Variants in PKIB observed in about 807,000 individuals in gnomAD.
The protein encoded by PKIB is cAMP-dependent protein kinase inhibitor beta.
A neutral mutation model predicts 4.5 loss-of-function variants in PKIB; 2 were observed. The observed-to-expected ratio is 0.44, with a 90% CI of 0.18 to 1.39. The LOEUF (loss-of-function observed/expected upper bound fraction) is 1.39. Ranked by LOEUF, PKIB falls within the 40% of genes most tolerant of loss-of-function variation. The pLI is 0.27. For missense variants in PKIB, 94 were observed against 92.6 expected (o/e 1.02, Z -0.06); for synonymous variants, 38 against 36.0 (o/e 1.06, Z -0.20).
At chr6:122,557,875 C>A (rs905096932) in intron 2 of PKIB, among the ~76,000 whole-genome samples, 1 of 152,174 alleles carries the variant, frequency 6.6e-6, no homozygotes, top group Non-Finnish European at 1.5e-5. Flanking sequence ...GCTCCTCCCT[C>A]AATTGGGTAA....
chr6:122,641,930 TG>T (rs918314169), intron 2 of PKIB, among the ~76,000 whole-genome samples: 1 of 152,138 alleles, frequency 6.6e-6, no homozygotes, highest in African/African-American at 2.4e-5. Flanking sequence ...AGACCTCAGA[TG>T]ATCTGCCCAA....
chr6:122,506,184 T>G (rs1285884954), intron 2 of PKIB, among the ~76,000 whole-genome samples: 3 of 152,154 alleles, frequency 2.0e-5, no homozygotes, highest in Non-Finnish European at 4.4e-5. Flanking sequence ...AACACAGATG[T>G]TTTTTCACCA....
At chr6:122,543,299 G>C (rs142818758) in intron 2 of PKIB, among the ~76,000 whole-genome samples, 2 of 151,562 alleles carry the variant, frequency 1.3e-5, no homozygotes, top group African/African-American at 4.9e-5. Flanking sequence ...CATCGCTCAC[G>C]CTGGGAACTG....
At chr6:122,631,352 A>G (rs142165036) in intron 1 of PKIB, among the ~76,000 whole-genome samples, 4,010 of 152,270 alleles carry the variant, frequency 0.026, 83 homozygotes, top group Middle Eastern at 0.054. Flanking sequence ...TTAGATTCAG[A>G]ATGTCTTTGA....
intron 2 of PKIB, among the ~76,000 whole-genome samples, chr6:122,536,359 T>G (rs1777407400): frequency 6.6e-6 from 1 of 152,240 alleles, no homozygotes; most frequent in African/African-American, 2.4e-5. Flanking sequence ...AATTATCAAA[T>G]ATAATTGGTA....
At chr6:122,650,938 C>T (rs1013378406) in intron 2 of PKIB, among the ~76,000 whole-genome samples, 2 of 152,180 alleles carry the variant, frequency 1.3e-5, no homozygotes, top group African/African-American at 2.4e-5. Flanking sequence ...CATGTTTCAG[C>T]CAACGAACCA....
intron 3 of PKIB, among the ~76,000 whole-genome samples, chr6:122,698,643 C>T (rs1292875563): frequency 1.3e-5 from 2 of 152,176 alleles, no homozygotes; most frequent in Non-Finnish European, 2.9e-5. Flanking sequence ...GTCGCTGAAG[C>T]CTCTGAGGGC....
intron 2 of PKIB, among the ~76,000 whole-genome samples, chr6:122,494,153 G>C (rs751461584): frequency 6.6e-5 from 10 of 152,106 alleles, no homozygotes; most frequent in Admixed American, 2.0e-4. Context: ...GAACATGCTT[G>C]ATTAATTCAA....
intron 2 of PKIB, among the ~76,000 whole-genome samples, chr6:122,670,327 C>T (rs1319334440): frequency 6.6e-6 from 1 of 152,020 alleles, no homozygotes; most frequent in Non-Finnish European, 1.5e-5. Context: ...AAATAGCAGC[C>T]AGCCAGCAGT....
At chr6:122,662,256 T>C (rs1435143893) in intron 2 of PKIB, among the ~76,000 whole-genome samples, 1 of 146,006 alleles carries the variant, frequency 6.8e-6, no homozygotes, top group Non-Finnish European at 1.5e-5. Context: ...ATCTAAGAAA[T>C]GATTGCCTAA....
chr6:122,551,682 G>T (rs931050379), intron 2 of PKIB, among the ~76,000 whole-genome samples: 3 of 152,056 alleles, frequency 2.0e-5, no homozygotes, highest in Non-Finnish European at 4.4e-5. Context: ...GAATGGAGGG[G>T]TCTCAGCATT....
intron 1 of PKIB, among the ~76,000 whole-genome samples, chr6:122,622,720 C>T (rs1385363814): frequency 6.7e-6 from 1 of 149,180 alleles, no homozygotes; most frequent in Non-Finnish European, 1.5e-5. Context: ...GGGCTCACCC[C>T]TACCGGAGAA....
upstream of PKIB, among the ~76,000 whole-genome samples, chr6:122,607,781 G>A (rs1165924980): frequency 2.0e-5 from 3 of 152,094 alleles, no homozygotes; most frequent in African/African-American, 7.2e-5. Flanking sequence ...GGGTCACAGG[G>A]GCAGTGTTGG....
intron 3 of PKIB, among the ~76,000 whole-genome samples, chr6:122,588,265 A>G (rs950824982): frequency 1.3e-5 from 2 of 152,120 alleles, no homozygotes; most frequent in Non-Finnish European, 2.9e-5. Context: ...TCCCAGCACC[A>G]TTTATTAAAT....
At chr6:122,707,243 A>C (rs1779100398) in intron 3 of PKIB, among the ~76,000 whole-genome samples, 1 of 152,062 alleles carries the variant, frequency 6.6e-6, no homozygotes, top group Non-Finnish European at 1.5e-5. Flanking sequence ...AACTACTCTT[A>C]ATTTTTGTTC....
At position 122,553,894 on chromosome 6, in the gene PKIB, G is replaced by C. The variant is rs1204016916; in HGVS notation, c.-247-32027G>C. ...TGCACCACCCTGCTATTTCAAAGCA[G>C]CTGTCAGGCCAGCTGGAGCTTGGAG... On this transcript the variant is annotated intron_variant, in intron 2 of 6. Transcript: ENST00000392491. Among the ~76,000 whole-genome samples, 7 of 152,274 alleles carry C rather than the reference G, an allele frequency of 4.6e-5. No homozygotes were observed. In the South Asian group the frequency reaches 1.5e-3, roughly 32 times the overall value.
At chr6:122,556,607 C>A (rs527912742) in intron 2 of PKIB, among the ~76,000 whole-genome samples, 1 of 152,144 alleles carries the variant, frequency 6.6e-6, no homozygotes, top group Non-Finnish European at 1.5e-5. Context: ...AGCAGATCTG[C>A]GGGTGCCTGA....
rs528936078 is a variant in PKIB, at chr6:122,626,255, A to C, written c.-160-7028A>C. Among the ~76,000 whole-genome samples, 19 of 152,348 alleles carry C rather than the reference A, an allele frequency of 1.2e-4. No individual in the cohort carries two copies. The South Asian group carries it at 3.9e-3, about 32-fold the overall frequency. ...TCATCCTTTTTGAACTTTATGGAGCAAAAGTGAGTGTAAAACACATTTGCA... is the reference window on the plus strand; with the variant it reads ...TCATCCTTTTTGAACTTTATGGAGCCAAAGTGAGTGTAAAACACATTTGCA... On this transcript the variant is annotated intron_variant, in intron 1 of 4. Coordinates refer to ENST00000368452, the MANE Select transcript of PKIB (RefSeq NM_181795.3).
chr6:122,610,524 T>A lies in PKIB; in HGVS notation c.-172T>A, dbSNP rs1774706352. Reference sequence around the variant, plus strand: ...CCAGGGCACCGGCAGGGCAGGCAGCTGCGCGCGGCTGGTACGTACCTGGTG... The same window carrying A: ...CCAGGGCACCGGCAGGGCAGGCAGCAGCGCGCGGCTGGTACGTACCTGGTG... On this transcript the variant is annotated 5_prime_UTR_variant, in exon 1 of 5. Coordinates refer to ENST00000368452, the MANE Select transcript of PKIB (RefSeq NM_181795.3). 6.6e-6 allele frequency: 1 copy of A among 152,428 alleles called. No homozygotes were observed. The highest frequency in any genetic ancestry group is 6.5e-5 in the Admixed American group (1 of 15,278). 9.4% of individuals were successfully genotyped at this position (152,428 alleles called of 1,614,324 possible).
Sources: gnomAD v4.1 joint callset for allele counts (sites outside exome capture counted in the v4.1 genomes callset) on GRCh38, gnomAD v4.1.1 for gene constraint, MANE v1.5 for transcripts, NCBI Gene and HGNC (gene_info 2026-07-23, HGNC 2026-07-21) for gene names.